Variants in DISC1 observed in about 807,000 individuals in gnomAD.
The protein encoded by DISC1 is DISC1 scaffold protein.
A neutral mutation model predicts 84.5 loss-of-function variants in DISC1; 57 were observed. That is an observed-to-expected ratio of 0.67 (90% CI 0.55 to 0.84). DISC1 has a LOEUF of 0.84. Among genes scored for constraint, DISC1 ranks in the 40% least tolerant of loss-of-function variants. The probability of loss-of-function intolerance (pLI) is 0.00; values close to 1 mark genes in which losing one functional copy is unlikely to be tolerated. For synonymous variants in DISC1, 411 were observed against 415.2 expected, an observed-to-expected ratio of 0.99 and a Z score of 0.12; for missense variants, 1,000 against 1,057.8, an observed-to-expected ratio of 0.95 and a Z score of 0.76.
At chr1:231,642,611 C>CT (rs111888015) in intron 1 of DISC1, among the ~76,000 whole-genome samples, 33 of 149,946 alleles carry the variant, frequency 2.2e-4, no homozygotes, top group African/African-American at 3.2e-4. Flanking sequence ...CCCAGTAAAT[C>CT]TTTTTTTTTT....
chr1:231,969,279 T>C (rs1199688706), intron 10 of DISC1, among the ~76,000 whole-genome samples: 2 of 145,334 alleles, frequency 1.4e-5, no homozygotes, highest in Non-Finnish European at 3.0e-5. Flanking sequence ...AATGAGGTAA[T>C]TGAGTTCTTG....
At chr1:231,789,268 C>G (rs1379070522) in intron 6 of DISC1, among the ~76,000 whole-genome samples, 1 of 152,116 alleles carries the variant, frequency 6.6e-6, no homozygotes, top group Non-Finnish European at 1.5e-5. Flanking sequence ...GCAGTGGACC[C>G]TGCACCAGCC....
At chr1:231,795,175 T>C (rs1184364559) in intron 6 of DISC1, 67 bp from the exon 7 acceptor site, 2 of 1,478,848 alleles carry the variant, frequency 1.4e-6, no homozygotes, top group Non-Finnish European at 1.9e-6. Context: ...TTTGCAGTGT[T>C]CCTAACTGTA....
intron 3 of DISC1, among the ~76,000 whole-genome samples, chr1:231,743,640 A>G (rs565825030): frequency 1.3e-5 from 2 of 152,342 alleles, no homozygotes; most frequent in East Asian, 3.9e-4. Flanking sequence ...ATTATCCTAG[A>G]AGGTCTTATC....
In DISC1 at chr1:232,026,547, TCA is replaced by T; in HGVS notation, c.2421_2422del (p.Ile808SerfsTer74). On this transcript the variant is annotated frameshift_variant, in exon 12 of 13. Transcript: ENST00000439617. LOFTEE classifies it high-confidence loss of function. ...GCAATCCACAGTCATGATGAAGATC[TCA>T]TTCATATCCTTTTCATCTTGCAGAT... 6.3e-7 allele frequency: 1 copy of T among 1,593,842 alleles called. No homozygotes were observed. The highest frequency in any genetic ancestry group is 1.3e-5 in the African/African-American group (1 of 74,776).
chr1:231,995,692 A>G (rs1300477971), intron 10 of DISC1, among the ~76,000 whole-genome samples: 2 of 151,878 alleles, frequency 1.3e-5, no homozygotes, highest in African/African-American at 2.4e-5. Context: ...ATGGCTGCAT[A>G]GTATTCCATG....
chr1:231,841,009 T>C (rs2083012454), intron 9 of DISC1, among the ~76,000 whole-genome samples: 1 of 152,244 alleles, frequency 6.6e-6, no homozygotes, highest in Non-Finnish European at 1.5e-5. Context: ...TTGATGTTAT[T>C]ATTACAGGTC....
intron 1 of DISC1, among the ~76,000 whole-genome samples, chr1:231,662,670 C>T (rs931948815): frequency 2.2e-4 from 34 of 152,244 alleles, no homozygotes; most frequent in South Asian, 4.1e-4. Context: ...AAACTCGGAC[C>T]TATCTCAGGC....
intron 9 of DISC1, among the ~76,000 whole-genome samples, chr1:231,912,157 G>A (rs1269353152): frequency 6.6e-6 from 1 of 152,052 alleles, no homozygotes; most frequent in African/African-American, 2.4e-5. Context: ...ATTACCGATC[G>A]TTTGAAGCCT....
At chr1:231,932,219 G>T (rs1442834804) in intron 9 of DISC1, among the ~76,000 whole-genome samples, 23 of 152,278 alleles carry the variant, frequency 1.5e-4, no homozygotes, top group Non-Finnish European at 2.6e-4. Flanking sequence ...TTTTCTTAGG[G>T]CTGCATAATC....
intron 10 of DISC1, among the ~76,000 whole-genome samples, chr1:231,973,477 C>G (rs12066297): frequency 0.15 from 23,106 of 152,214 alleles, 3,506 homozygotes; most frequent in African/African-American, 0.38. Flanking sequence ...GGCAGGGAAG[C>G]CTTTTCCCAT....
Position 231,694,165 on chromosome 1 carries a change from G to A in DISC1, c.407G>A (p.Cys136Tyr). ...TRLPDRLSWP[C>Y]GPGSAGWQQE... ...TTGCCTGACAGGCTTAGCTGGCCGT[G>A]TGGCCCTGGGAGTGCTGGGTGGCAG... The change falls in exon 2 of 13, where the codon TGT becomes TAT. Residue 136 changes from cysteine to tyrosine, a missense_variant. Around this residue, in one of 3 missense-constraint regions of DISC1, gnomAD observed 292 missense variants for 280.2 expected, o/e 1.04. Coordinates refer to ENST00000439617, the MANE Select transcript of DISC1 (RefSeq NM_018662.3). The A allele has an allele frequency of 6.2e-7, 1 of 1,614,152 alleles. No individual in the cohort carries two copies. Among genetic ancestry groups the A allele is most frequent in the Non-Finnish European group, 8.5e-7 (1 of 1,180,024 alleles).
chr1:231,904,436 C>T (rs553234070), intron 9 of DISC1, among the ~76,000 whole-genome samples: 1 of 152,174 alleles, frequency 6.6e-6, no homozygotes, highest in African/African-American at 2.4e-5. Flanking sequence ...TCTGTGGGGT[C>T]CCTTCTGAAA....
rs562062760 is a variant in DISC1, at chr1:231,864,687, CA to C, written c.1981+46177del. ...AAACAAAATAAAACAACAACAACAA[CA>C]AAAAAATCTGAGGAGGTGGACACCA... On this transcript the variant is annotated intron_variant, in intron 9 of 12. Transcript: ENST00000439617. Among the ~76,000 whole-genome samples, 6 of 152,026 alleles carry C rather than the reference CA, an allele frequency of 3.9e-5. No homozygotes were observed. In the South Asian group the frequency reaches 1.2e-3, roughly 32 times the overall value.
chr1:232,021,373 C>CACACAA (rs1558843943), intron 11 of DISC1, among the ~76,000 whole-genome samples: 1 of 142,416 alleles, frequency 7.0e-6, no homozygotes, highest in Admixed American at 7.0e-5. Context: ...CACACACACA[C>CACACAA]AACCCTCAGA....
intron 10 of DISC1, among the ~76,000 whole-genome samples, chr1:231,961,973 T>A (rs1460801092): frequency 6.6e-6 from 1 of 152,244 alleles, no homozygotes; most frequent in Non-Finnish European, 1.5e-5. Flanking sequence ...CTACAGTGAC[T>A]GAACTAATTT....
chr1:231,741,480 G>T (rs1424355024), intron 3 of DISC1, among the ~76,000 whole-genome samples: 1 of 152,192 alleles, frequency 6.6e-6, no homozygotes, highest in Non-Finnish European at 1.5e-5. Context: ...TGAACAATTT[G>T]CTGTGAGCCA....
intron 9 of DISC1, among the ~76,000 whole-genome samples, chr1:231,879,817 T>G (rs532536299): frequency 6.6e-6 from 1 of 152,252 alleles, no homozygotes; most frequent in East Asian, 1.9e-4. Context: ...GAGGTGTGGA[T>G]CATAATTCTA....
chr1:231,856,943 G>A (rs1002957091), intron 9 of DISC1, among the ~76,000 whole-genome samples: 2 of 152,118 alleles, frequency 1.3e-5, no homozygotes, highest in Admixed American at 6.5e-5. Flanking sequence ...ATCCTGCGGC[G>A]GCAGCATGAA....
Sources: allele counts gnomAD v4.1 joint callset (sites outside exome capture counted in the v4.1 genomes callset), GRCh38; gene constraint gnomAD v4.1.1; regional missense constraint gnomAD v4.1.1; transcripts MANE v1.5; gene names NCBI Gene and HGNC (gene_info 2026-07-23, HGNC 2026-07-21).